TYW1: variants seen among roughly 807,000 people sequenced by gnomAD.
TYW1 encodes the protein S-adenosyl-L-methionine-dependent tRNA 4-demethylwyosine synthase TYW1.
In TYW1, 46 loss-of-function variants were observed where a neutral mutation model predicts 96.2. The observed-to-expected ratio is 0.48, with a 90% CI of 0.38 to 0.61. The LOEUF (loss-of-function observed/expected upper bound fraction) is 0.61, where lower values mean the gene tolerates loss of function less well. Among genes scored for constraint, TYW1 ranks in the 20% least tolerant of loss-of-function variants. The pLI, the probability that TYW1 is intolerant of heterozygous loss-of-function variation, is 0.00. For synonymous variants in TYW1, 274 were observed against 323.0 expected, an observed-to-expected ratio of 0.85 and a Z score of 1.63; for missense variants, 684 against 909.6, an observed-to-expected ratio of 0.75 and a Z score of 3.19.
At chr7:67,041,032 A>C (rs999893052) in intron 7 of TYW1, among the ~76,000 whole-genome samples, 4 of 152,242 alleles carry the variant, frequency 2.6e-5, no homozygotes, top group Admixed American at 2.0e-4. Context: ...TTTGGGCTTT[A>C]TGAGCTTTAA....
chr7:67,041,216 G>A (rs1176971760), intron 7 of TYW1, among the ~76,000 whole-genome samples: 1 of 152,054 alleles, frequency 6.6e-6, no homozygotes, highest in Non-Finnish European at 1.5e-5. Flanking sequence ...TCTTGTTTTC[G>A]ATTTCTATGG....
intron 15 of TYW1, among the ~76,000 whole-genome samples, chr7:67,230,002 T>G (rs900635600): frequency 2.6e-5 from 4 of 152,138 alleles, no homozygotes; most frequent in Non-Finnish European, 4.4e-5. Flanking sequence ...TTGAGAAATA[T>G]TTGAAAGACA....
chr7:67,047,036 T>A (rs1001722982), intron 7 of TYW1, among the ~76,000 whole-genome samples: 16 of 152,170 alleles, frequency 1.1e-4, no homozygotes, highest in African/African-American at 3.6e-4. Context: ...AGTTTTGGAT[T>A]TATCTGGCCT....
chr7:67,039,736 T>C (rs1031939063), intron 7 of TYW1, among the ~76,000 whole-genome samples: 2 of 151,472 alleles, frequency 1.3e-5, no homozygotes, highest in Non-Finnish European at 2.9e-5. Flanking sequence ...CGATCTCGGC[T>C]CACTGCAGCC....
At chr7:67,013,732 T>C (rs1490357522) in intron 4 of TYW1, among the ~76,000 whole-genome samples, 2 of 143,786 alleles carry the variant, frequency 1.4e-5, no homozygotes, top group African/African-American at 5.2e-5. Flanking sequence ...TCTCTCTGCA[T>C]TTTTTCCTTT....
chr7:67,035,889 G>A (rs1367126967), intron 7 of TYW1, among the ~76,000 whole-genome samples: 1 of 151,518 alleles, frequency 6.6e-6, no homozygotes, highest in Admixed American at 6.6e-5. Context: ...GTGTTAGCCA[G>A]GATGGTCCCG....
chr7:67,019,767 G>T (rs1309049096), intron 6 of TYW1, among the ~76,000 whole-genome samples: 1 of 152,296 alleles, frequency 6.6e-6, no homozygotes, highest in Non-Finnish European at 1.5e-5. Context: ...AAGGGAACAA[G>T]GAGTGGTCGA....
At chr7:67,163,742 C>T (rs1799239896) in intron 13 of TYW1, among the ~76,000 whole-genome samples, 1 of 150,964 alleles carries the variant, frequency 6.6e-6, no homozygotes, top group Non-Finnish European at 1.5e-5. Flanking sequence ...GATCTCAGCT[C>T]TCTGCAACCT....
intron 13 of TYW1, among the ~76,000 whole-genome samples, chr7:67,133,282 C>T (rs985180848): frequency 2.0e-5 from 3 of 152,056 alleles, no homozygotes; most frequent in Non-Finnish European, 2.9e-5. Flanking sequence ...GGACTACAGC[C>T]GTGCACCACC....
At chr7:67,231,080 A>G (rs558148816) in intron 15 of TYW1, among the ~76,000 whole-genome samples, 8 of 151,756 alleles carry the variant, frequency 5.3e-5, no homozygotes, top group Non-Finnish European at 1.0e-4. Flanking sequence ...TTTTTGCATT[A>G]TTATAACCAC....
rs543206614 is a variant in TYW1, at chr7:67,121,848, C to T, written c.1698+4230C>T. On this transcript the variant is annotated intron_variant, in intron 13 of 15. Transcript: ENST00000359626. Reference sequence around the variant, plus strand: ...AATGTTTACATTTCCAGATCTTTATCCTTTGTCAAAATGTTCCTTTTCAAT... The same window carrying T: ...AATGTTTACATTTCCAGATCTTTATTCTTTGTCAAAATGTTCCTTTTCAAT... 3.3e-5 allele frequency among the ~76,000 whole-genome samples: 5 copies of T among 150,352 alleles called. No homozygotes were observed. The East Asian group carries it at 9.7e-4, about 29-fold the overall frequency.
At chr7:67,234,421 A>G (rs1194733461) in intron 15 of TYW1, among the ~76,000 whole-genome samples, 2 of 151,600 alleles carry the variant, frequency 1.3e-5, no homozygotes, top group Non-Finnish European at 2.9e-5. Context: ...TTCCGTGTAC[A>G]TGTACCAAGA....
At chr7:67,116,194 G>A (rs565911969) in intron 12 of TYW1, among the ~76,000 whole-genome samples, 31 of 151,702 alleles carry the variant, frequency 2.0e-4, no homozygotes, top group Non-Finnish European at 1.0e-4. Flanking sequence ...GATGTGGCAC[G>A]GTACACTTGT....
chr7:67,015,652 G>A (rs1205997969), intron 5 of TYW1, among the ~76,000 whole-genome samples: 1 of 152,152 alleles, frequency 6.6e-6, no homozygotes, highest in Admixed American at 6.6e-5. Context: ...TCCAGCCTGA[G>A]CTCAGTTTTA....
At chr7:67,064,269 A>G (rs951152055) in intron 9 of TYW1, among the ~76,000 whole-genome samples, 6 of 152,226 alleles carry the variant, frequency 3.9e-5, no homozygotes, top group Admixed American at 2.6e-4. Flanking sequence ...AGAAATGGGA[A>G]GAATAGTTCA....
At chr7:67,069,465 G>A (rs1327171257) in intron 10 of TYW1, among the ~76,000 whole-genome samples, 1 of 152,200 alleles carries the variant, frequency 6.6e-6, no homozygotes, top group African/African-American at 2.4e-5. Context: ...CTGGCCAGGT[G>A]CAGTGGCTTA....
At chr7:67,201,870 A>G (rs1210460965) in intron 15 of TYW1, among the ~76,000 whole-genome samples, 10 of 152,202 alleles carry the variant, frequency 6.6e-5, no homozygotes, top group Admixed American at 1.3e-4. Context: ...TAGCAGTTCT[A>G]TTTGTTATGA....
chr7:67,029,436 T>TATATATATATATATATACATAC (rs1794600328), intron 7 of TYW1, among the ~76,000 whole-genome samples: 1 of 122,900 alleles, frequency 8.1e-6, no homozygotes, highest in South Asian at 2.3e-4. Flanking sequence ...TATATATAAA[T>TATATATATATATATATACATAC]AGTATTTTCT....
chr7:67,208,413 C>T (rs993173357), intron 15 of TYW1, among the ~76,000 whole-genome samples: 12 of 152,100 alleles, frequency 7.9e-5, no homozygotes, highest in Admixed American at 2.0e-4. Flanking sequence ...CCACAACCAT[C>T]GGGCGCGGTG....
Sources: gnomAD v4.1 joint callset for allele counts (sites outside exome capture counted in the v4.1 genomes callset) on GRCh38, gnomAD v4.1.1 for gene constraint, MANE v1.5 for transcripts, NCBI Gene and HGNC (gene_info 2026-07-23, HGNC 2026-07-21) for gene names.